The following BCAS3 variants were observed in gnomAD, a reference collection of about 807,000 sequenced individuals.
BCAS3 encodes the protein BCAS3 microtubule associated cell migration factor.
BCAS3 carries 53 observed loss-of-function variants against 116.1 expected under a neutral mutation model. The observed-to-expected ratio is 0.46, with a 90% CI of 0.37 to 0.57. The LOEUF (loss-of-function observed/expected upper bound fraction) is 0.57, where lower values mean the gene tolerates loss of function less well. BCAS3 is among the 20% of genes least tolerant of loss of function. The pLI, the probability that BCAS3 is intolerant of heterozygous loss-of-function variation, is 0.00. For missense variants in BCAS3, 917 were observed against 1,165.4 expected, an observed-to-expected ratio of 0.79 and a Z score of 3.10; for synonymous variants, 391 against 408.2, an observed-to-expected ratio of 0.96 and a Z score of 0.51.
intron 22 of BCAS3, among the ~76,000 whole-genome samples, chr17:61,086,152 G>A (rs1231766006): frequency 6.6e-6 from 1 of 152,066 alleles, no homozygotes; most frequent in Admixed American, 6.6e-5. Flanking sequence ...GCAGTGGCAC[G>A]ATCTTGGCTC....
rs2058683197 is a variant in BCAS3, at chr17:61,365,575, C to G, written c.2426-2752C>G. 6.6e-6 allele frequency among the ~76,000 whole-genome samples: 1 copy of G among 152,150 alleles called. No homozygotes were observed. Among genetic ancestry groups the G allele is most frequent in the African/African-American group, 2.4e-5 (1 of 41,444 alleles). ...TCTCAAACTCTTGGCCTCAAGTGAT[C>G]TGCTCACCTTGGCCTCCCAAAGTGC... On this transcript the variant is annotated intron_variant, in intron 22 of 23. Coordinates refer to ENST00000407086, the MANE Select transcript of BCAS3 (RefSeq NM_017679.5). The surrounding 1 kb of genome is among the most constrained non-coding windows in gnomAD (Gnocchi z 4.6).
chr17:61,311,829 G>T (rs2054333643), intron 22 of BCAS3, among the ~76,000 whole-genome samples: 1 of 152,172 alleles, frequency 6.6e-6, no homozygotes, highest in African/African-American at 2.4e-5. Flanking sequence ...GGGAGGCGGA[G>T]GTTGCAGTGG....
chr17:60,701,774 A>G (rs558222296), intron 4 of BCAS3, among the ~76,000 whole-genome samples: 21 of 149,644 alleles, frequency 1.4e-4, no homozygotes, highest in Middle Eastern at 3.4e-3. Context: ...AGCCTGGCCA[A>G]TGTGGTGACA....
chr17:60,766,852 C>T (rs1284347658), intron 6 of BCAS3, among the ~76,000 whole-genome samples: 1 of 152,190 alleles, frequency 6.6e-6, no homozygotes, highest in Non-Finnish European at 1.5e-5. Flanking sequence ...GTGGGCTCCA[C>T]CCAGTTTGAG....
rs142717174 is a variant in BCAS3 at position 61,319,344 on chromosome 17, C to T, written c.2426-48983C>T. Among the ~76,000 whole-genome samples the T allele has an allele frequency of 9.8e-4, 149 of 152,258 alleles. No individual in the cohort carries two copies. The Middle Eastern group carries it at 0.01, about 10-fold the overall frequency. On this transcript the variant is annotated intron_variant, in intron 22 of 23. Transcript: ENST00000407086. ...ATATGACACCCCCTACATTAAACTC[C>T]ATTATATTAAGGAAACCTTAGAACT...
intron 22 of BCAS3, among the ~76,000 whole-genome samples, chr17:61,108,718 G>A (rs543826944): frequency 1.3e-5 from 2 of 151,586 alleles, no homozygotes; most frequent in East Asian, 3.9e-4. Context: ...CACCCGAGCA[G>A]TGTACACTGT....
intron 23 of BCAS3, among the ~76,000 whole-genome samples, chr17:61,375,167 C>T (rs866109309): frequency 6.6e-6 from 1 of 150,462 alleles, no homozygotes; most frequent in Non-Finnish European, 1.5e-5. Context: ...AAGTTAATAA[C>T]AAATATTTGT....
rs930593727 is a variant in BCAS3 at position 60,820,171 on chromosome 17, T to C, written c.476+12095T>C. Among the ~76,000 whole-genome samples, 43 of 151,824 alleles carry C rather than the reference T, an allele frequency of 2.8e-4. 1 individual carries two copies. Among genetic ancestry groups the C allele is most frequent in the East Asian group, 7.8e-4 (4 of 5,138 alleles). ...CTGCAAGCTCTGCCTCCCGGGTTCATGCCATTCTGCCTCAGCCTCCCGAGT... is the reference window on the plus strand; with the variant it reads ...CTGCAAGCTCTGCCTCCCGGGTTCACGCCATTCTGCCTCAGCCTCCCGAGT... On this transcript the variant is annotated intron_variant, in intron 7 of 23. Transcript: ENST00000407086.
chr17:60,898,412 T>A (rs938818908), intron 10 of BCAS3, among the ~76,000 whole-genome samples: 3 of 152,344 alleles, frequency 2.0e-5, no homozygotes, highest in East Asian at 3.9e-4. Flanking sequence ...TAGGACACTT[T>A]GGTCTTGATT....
Position 60,996,925 on chromosome 17 carries a change from G to A in BCAS3, c.1486+6690G>A, listed in dbSNP as rs534764117. Among the ~76,000 whole-genome samples, 19 of 152,264 alleles carry A rather than the reference G, an allele frequency of 1.2e-4. No homozygotes were observed. The South Asian group carries it at 2.9e-3, about 23-fold the overall frequency. On this transcript the variant is annotated intron_variant, in intron 15 of 23. Coordinates refer to ENST00000407086, the MANE Select transcript of BCAS3 (RefSeq NM_017679.5). ...ATCAATGAAGAACTGAGAAAAATAA[G>A]ACTATTAAAATTAGTAATGTAGAAG...
At chr17:60,798,065 T>C (rs1790100399) in intron 6 of BCAS3, among the ~76,000 whole-genome samples, 1 of 152,114 alleles carries the variant, frequency 6.6e-6, no homozygotes, top group African/African-American at 2.4e-5. Flanking sequence ...ACACAGAGTT[T>C]CTGTATACCC....
intron 13 of BCAS3, among the ~76,000 whole-genome samples, chr17:60,935,043 A>G (rs1038888692): frequency 1.3e-5 from 2 of 152,192 alleles, no homozygotes; most frequent in Non-Finnish European, 2.9e-5. Context: ...CCGTAGCTGT[A>G]ATCCCAGCTA....
intron 9 of BCAS3, among the ~76,000 whole-genome samples, chr17:60,882,452 C>T (rs2056255168): frequency 6.6e-6 from 1 of 151,178 alleles, no homozygotes; most frequent in African/African-American, 2.4e-5. Flanking sequence ...TTAATTAGAT[C>T]CCATTTGTCA....
At chr17:61,100,850 TAAC>T (rs1351136031) in intron 22 of BCAS3, among the ~76,000 whole-genome samples, 1 of 149,418 alleles carries the variant, frequency 6.7e-6, no homozygotes, top group Non-Finnish European at 1.5e-5. Context: ...ACTCTGTTTT[TAAC>T]AACATACTTT....
intron 6 of BCAS3, among the ~76,000 whole-genome samples, chr17:60,763,424 G>A (rs531977743): frequency 7.1e-4 from 108 of 152,148 alleles, no homozygotes; most frequent in African/African-American, 2.3e-3. Context: ...GAATTTTGTC[G>A]AAGGCCTTTT....
At chr17:61,153,315 C>G (rs2077644065) in intron 22 of BCAS3, among the ~76,000 whole-genome samples, 1 of 152,224 alleles carries the variant, frequency 6.6e-6, no homozygotes, top group Non-Finnish European at 1.5e-5. Context: ...GTTGCTAAGT[C>G]TCCAGTGGGG....
chr17:60,992,191 C>A (rs2063568237), intron 15 of BCAS3, among the ~76,000 whole-genome samples: 1 of 104,378 alleles, frequency 9.6e-6, no homozygotes, highest in Admixed American at 1.0e-4. Context: ...CGATGACTTA[C>A]ACACACACAC....
Position 61,028,830 on chromosome 17 carries a change from C to T in BCAS3, c.1638-5836C>T, listed in dbSNP as rs1029161483. Among the ~76,000 whole-genome samples the T allele has an allele frequency of 6.6e-6, 1 of 151,820 alleles. No homozygotes were observed. Reference sequence around the variant, plus strand: ...TGCCATCGTTAGCTCACAAGAAACTCGTTTTTAGTCACTTATACTAGACTA... The same window carrying T: ...TGCCATCGTTAGCTCACAAGAAACTTGTTTTTAGTCACTTATACTAGACTA... On this transcript the variant is annotated intron_variant, in intron 16 of 23. Coordinates refer to ENST00000407086, the MANE Select transcript of BCAS3 (RefSeq NM_017679.5). This position sits in a 1 kb window ranked among gnomAD's most constrained non-coding sequence, Gnocchi z 4.3.
intron 22 of BCAS3, among the ~76,000 whole-genome samples, chr17:61,353,280 CA>C (rs1214441509): frequency 6.6e-6 from 1 of 152,102 alleles, no homozygotes; most frequent in African/African-American, 2.4e-5. Flanking sequence ...GGGGACAGGC[CA>C]GGGGGAGGGG....
Sources: gnomAD v4.1 joint callset for allele counts (sites outside exome capture counted in the v4.1 genomes callset) on GRCh38, gnomAD v4.1.1 for gene constraint, Gnocchi (gnomAD v3.1) non-coding constraint, MANE v1.5 for transcripts, NCBI Gene and HGNC (gene_info 2026-07-23, HGNC 2026-07-21) for gene names.